The following WASHC5 variants were observed in gnomAD, a reference collection of about 807,000 sequenced individuals.
WASHC5 encodes WASH complex subunit strumpellin.
In WASHC5, 101 loss-of-function variants were observed where a neutral mutation model predicts 150.4. The ratio of observed to expected loss-of-function variants is 0.67; its 90% confidence interval spans 0.57 to 0.79. The LOEUF is 0.79. Ranked by LOEUF, WASHC5 falls within the 30% of genes least tolerant of loss-of-function variation. The pLI, the probability that WASHC5 is intolerant of heterozygous loss-of-function variation, is 0.00. For synonymous variants in WASHC5, 467 were observed against 491.2 expected (o/e 0.95, Z 0.65); for missense variants, 1,195 against 1,396.3 (o/e 0.86, Z 2.30).
chr8:125,067,840 A>G, intron 9 of WASHC5, 121 bp from the exon 10 acceptor site: 1 of 1,030,654 alleles, frequency 9.7e-7, no homozygotes, highest in Non-Finnish European at 1.5e-6. Flanking sequence ...CAAAATGTAT[A>G]TCAATAAAAG....
At position 125,068,622 on chromosome 8, in the gene WASHC5, G is replaced by A. The variant is rs960395927; in HGVS notation, c.1151-903C>T. Among the ~76,000 whole-genome samples, 5 of 152,274 alleles carry A rather than the reference G, an allele frequency of 3.3e-5. No homozygotes were observed. The East Asian group carries it at 9.6e-4, about 29-fold the overall frequency. ...GTAGTGAATCACTGAAGCCAGAGTG[G>A]TCGTGGGGAATGCCCGACACAACAA... On this transcript the variant is annotated intron_variant, in intron 9 of 28. Coordinates refer to ENST00000318410, the MANE Select transcript of WASHC5 (RefSeq NM_014846.4).
intron 9 of WASHC5, among the ~76,000 whole-genome samples, chr8:125,070,559 A>G (rs1383810481): frequency 6.6e-6 from 1 of 152,246 alleles, no homozygotes; most frequent in African/African-American, 2.4e-5. Flanking sequence ...AGTTGGTTTT[A>G]TGACAGGATA....
chr8:125,089,097 T>C (rs973742621), intron 1 of WASHC5, among the ~76,000 whole-genome samples: 6 of 152,242 alleles, frequency 3.9e-5, no homozygotes, highest in Non-Finnish European at 8.8e-5. Flanking sequence ...TCTGTGATAC[T>C]TGCTTGTTAA....
rs776771436 is a variant in WASHC5, at chr8:125,081,649, G to A, written c.518+12C>T. 33 of 1,517,920 alleles carry A rather than the reference G, an allele frequency of 2.2e-5. No homozygotes were observed. The highest frequency in any genetic ancestry group is 2.6e-5 in the Non-Finnish European group (28 of 1,093,962). 94.0% of individuals were successfully genotyped at this position (1,517,920 alleles called of 1,614,324 possible). On this transcript the variant is annotated intron_variant, in intron 5 of 28. Coordinates refer to ENST00000318410, the MANE Select transcript of WASHC5 (RefSeq NM_014846.4). ...GCAGCGTTTCGGAAGTGTAGTCCTA[G>A]CCCAGGAATACCTGTATCGGTAGTA...
At chr8:125,089,613 A>G (rs1001794302) in intron 1 of WASHC5, among the ~76,000 whole-genome samples, 1 of 152,196 alleles carries the variant, frequency 6.6e-6, no homozygotes, top group Non-Finnish European at 1.5e-5. Flanking sequence ...GGCCCTGGGA[A>G]AAACAACTTA....
rs113828812 is a variant in WASHC5, at chr8:125,075,417, CT to C, written c.865-307del. Among the ~76,000 whole-genome samples, 16,745 of 151,976 alleles carry C rather than the reference CT, an allele frequency of 0.11. 2,160 individuals carry two copies. Among genetic ancestry groups the C allele is most frequent in the African/African-American group, 0.31 (12,789 of 41,388 alleles). On this transcript the variant is annotated intron_variant, in intron 7 of 28. Coordinates refer to ENST00000318410, the MANE Select transcript of WASHC5 (RefSeq NM_014846.4). ...ATTGGTTGGCAATTGCCTGGGATAT[CT>C]TTTTTTAAAATCCCTTCATTTTCAC...
At chr8:125,046,105 T>C (rs1165903957) in intron 20 of WASHC5, among the ~76,000 whole-genome samples, 2 of 152,192 alleles carry the variant, frequency 1.3e-5, no homozygotes, top group Non-Finnish European at 2.9e-5. Flanking sequence ...ATCCAGGTCC[T>C]AAGAAGATTT....
intron 14 of WASHC5, among the ~76,000 whole-genome samples, chr8:125,058,977 C>T (rs1023310532): frequency 6.6e-6 from 1 of 152,234 alleles, no homozygotes; most frequent in East Asian, 1.9e-4. Context: ...AAAAAAAAAT[C>T]TATTCTTCAC....
rs779799736 is a variant in WASHC5 at position 125,032,367 on chromosome 8, G to A, written c.3209C>T (p.Pro1070Leu). ...LGMVCRKPTD[P>L]VDWPPLVLGL... ...CAGGACAAGTGGTGGCCAATCAACC[G>A]GGTCGGTCGGTTTTCGGCAGACCAT... is the stretch of plus-strand genomic sequence containing the variant. Residue 1070 changes from proline to leucine, a missense_variant, in exon 27 of 29, where the codon CCG becomes CTG. Physicochemically the swap from Pro to Leu is moderately conservative, Grantham distance 98. Coordinates refer to ENST00000318410, the MANE Select transcript of WASHC5 (RefSeq NM_014846.4). 9.3e-6 allele frequency: 15 copies of A among 1,613,954 alleles called. No homozygotes were observed. In the Admixed American group the frequency reaches 1.0e-4, roughly 11 times the overall value.
intron 5 of WASHC5, 111 bp downstream of exon 5, chr8:125,081,550 T>C: frequency 1.3e-6 from 1 of 779,848 alleles, no homozygotes; most frequent in South Asian, 1.4e-5. Context: ...AATCGTATAC[T>C]TTCTTATCTA....
At chr8:125,055,787 G>A in intron 16 of WASHC5, 116 bp from the exon 17 acceptor site, 2 of 751,176 alleles carry the variant, frequency 2.7e-6, no homozygotes, top group Non-Finnish European at 4.8e-6. Flanking sequence ...ATTCTGGACA[G>A]AAATGAGGCT....
intron 10 of WASHC5, among the ~76,000 whole-genome samples, chr8:125,066,406 T>C (rs949339760): frequency 3.9e-5 from 6 of 152,198 alleles, no homozygotes; most frequent in African/African-American, 1.2e-4. Context: ...GGTATAAATG[T>C]CTGGGCTAGT....
chr8:125,055,750 G>A (rs1816385805), intron 16 of WASHC5, 79 bp from the exon 17 acceptor site: 2 of 900,354 alleles, frequency 2.2e-6, no homozygotes, highest in Non-Finnish European at 3.7e-6. Flanking sequence ...AAAAGAACTT[G>A]TAGCTTTAGG....
Position 125,059,183 on chromosome 8 carries a change from C to T in WASHC5, c.1764+39G>A, listed in dbSNP as rs975312983. On this transcript the variant is annotated intron_variant, in intron 14 of 28. Transcript: ENST00000318410. ...AATGAGGTATGAATGAAGGCCAACT[C>T]TTTCCTAGCAACAGAGAATCTCACT... 11 of 1,492,768 alleles carry T rather than the reference C, an allele frequency of 7.4e-6. No homozygotes were observed. In the Admixed American group the frequency reaches 1.2e-4, roughly 16 times the overall value. The allele number at this position is 1,492,768 out of a possible 1,614,324, so 92.5% of individuals were successfully genotyped here. A position where few individuals can be genotyped will look rare whatever the true frequency, so the allele number is the denominator to read the frequency against.
Position 125,056,848 on chromosome 8 carries a change from T to C in WASHC5, c.1876-31A>G, listed in dbSNP as rs752760591. 5 of 1,613,974 alleles carry C rather than the reference T, an allele frequency of 3.1e-6. No homozygotes were observed. The African/African-American group carries it at 4.0e-5, about 13-fold the overall frequency. On this transcript the variant is annotated intron_variant, in intron 15 of 28. Transcript: ENST00000318410. ...GTGAAAAGGAAAGCAGGAAACGCAA[T>C]GAACATCTGTTTTACTTTTCTTGGC...
chr8:125,057,629 T>G lies in WASHC5; in HGVS notation c.1802A>C (p.Asn601Thr). 1 of 1,613,968 alleles carries G rather than the reference T, an allele frequency of 6.2e-7. No individual in the cohort carries two copies. Among genetic ancestry groups the G allele is most frequent in the Non-Finnish European group, 8.5e-7 (1 of 1,179,904 alleles). Residue 601 changes from asparagine to threonine, a missense_variant, in exon 15 of 29, where the codon AAT (asparagine) becomes ACT (threonine). Transcript: ENST00000318410. Reference protein sequence around the residue: ...SALDLPLLRINQANSPDLLSV... With the variant: ...SALDLPLLRITQANSPDLLSV... Reference sequence around the variant, plus strand: ...GAGCAGGTCGGGGCTATTTGCCTGATTAATACGAAGAAGGGGCAGATCGAG... The same window carrying G: ...GAGCAGGTCGGGGCTATTTGCCTGAGTAATACGAAGAAGGGGCAGATCGAG...
chr8:125,047,178 A>G (rs1308117977), intron 20 of WASHC5, 29 bp downstream of exon 20: 1 of 1,613,318 alleles, frequency 6.2e-7, no homozygotes, highest in African/African-American at 1.3e-5. Context: ...TGCAGTATTC[A>G]GGGCTCTGTA....
At chr8:125,050,220 A>G (rs2130053548) in intron 18 of WASHC5, among the ~76,000 whole-genome samples, 1 of 152,204 alleles carries the variant, frequency 6.6e-6, no homozygotes, top group African/African-American at 2.4e-5. Context: ...TATAGTTCCT[A>G]TCTACTTTAG....
rs1368491035 is a variant in WASHC5 at position 125,078,935 on chromosome 8, G to A, written c.519-5C>T. The A allele has an allele frequency of 1.2e-6, 2 of 1,611,002 alleles. No homozygotes were observed. The highest frequency in any genetic ancestry group is 4.5e-5 in the East Asian group (2 of 44,798). On this transcript the variant is annotated splice_polypyrimidine_tract_variant and splice_region_variant and intron_variant, in intron 5 of 28. Coordinates refer to ENST00000318410, the MANE Select transcript of WASHC5 (RefSeq NM_014846.4). ...TCAGCAGAAGATCGAGCAGCACTGAGTCATATTCACAATGGGAAACAAAGA... is the reference window on the plus strand; with the variant it reads ...TCAGCAGAAGATCGAGCAGCACTGAATCATATTCACAATGGGAAACAAAGA...
Sources: gnomAD v4.1 joint callset for allele counts (sites outside exome capture counted in the v4.1 genomes callset) on GRCh38, gnomAD v4.1.1 for gene constraint, MANE v1.5 for transcripts, NCBI Gene and HGNC (gene_info 2026-07-23, HGNC 2026-07-21) for gene names.